IGF1R: variants seen among roughly 807,000 people sequenced by gnomAD.
The protein encoded by IGF1R is insulin like growth factor 1 receptor.
Under a neutral mutation model 144.6 loss-of-function variants are expected in IGF1R, and 44 were observed. The observed-to-expected ratio is 0.30, with a 90% confidence interval of 0.24 to 0.39. IGF1R has a LOEUF of 0.39. IGF1R is among the 10% of genes least tolerant of loss of function. IGF1R has a pLI of 1.00. For synonymous variants in IGF1R, 795 were observed against 722.8 expected (o/e 1.10, Z -1.60); for missense variants, 1,355 against 1,833.7 (o/e 0.74, Z 4.77).
chr15:98,659,895 G>A (rs767844732), intron 1 of IGF1R, among the ~76,000 whole-genome samples: 1 of 152,058 alleles, frequency 6.6e-6, no homozygotes, highest in Non-Finnish European at 1.5e-5. Context: ...TAAGATGCTC[G>A]CCAGCCAGAA....
intron 2 of IGF1R, among the ~76,000 whole-genome samples, chr15:98,787,245 G>A (rs763595788): frequency 5.1e-4 from 77 of 152,284 alleles, no homozygotes; most frequent in Non-Finnish European, 8.8e-4. Context: ...CTGGCCTGCA[G>A]AGCAGAATAA....
At chr15:98,732,233 A>G (rs533500112) in intron 2 of IGF1R, among the ~76,000 whole-genome samples, 1 of 152,326 alleles carries the variant, frequency 6.6e-6, no homozygotes, top group African/African-American at 2.4e-5. Flanking sequence ...GGGCAGGGGA[A>G]GACTTGCCTA....
chr15:98,814,814 C>T (rs1047797230), intron 2 of IGF1R, among the ~76,000 whole-genome samples: 3 of 152,232 alleles, frequency 2.0e-5, no homozygotes, highest in South Asian at 2.1e-4. Context: ...CTGATATAAG[C>T]GTGGCTCTAC....
In IGF1R at chr15:98,954,980, A is replaced by G. The variant is rs184770442; in HGVS notation, c.3723-2081A>G. Among the ~76,000 whole-genome samples the G allele has an allele frequency of 2.8e-3, 427 of 152,312 alleles. 5 individuals are homozygous for G. Among genetic ancestry groups the G allele is most frequent in the African/African-American group, 9.9e-3 (410 of 41,558 alleles). ...TAGGTTGAGAAAAATTCCTTTTTCC[A>G]GGATCGTTGGTGATCAAAGTGTAGT... is the stretch of plus-strand genomic sequence containing the variant. On this transcript the variant is annotated intron_variant, in intron 20 of 20. Coordinates refer to ENST00000650285, the MANE Select transcript of IGF1R (RefSeq NM_000875.5).
intron 1 of IGF1R, among the ~76,000 whole-genome samples, chr15:98,674,610 A>T (rs1187978677): frequency 1.3e-5 from 2 of 152,244 alleles, no homozygotes; most frequent in African/African-American, 4.8e-5. Flanking sequence ...GATTAGGGAC[A>T]CATTTGCCTG....
chr15:98,953,430 C>A (rs1190764039), intron 20 of IGF1R, among the ~76,000 whole-genome samples: 1 of 152,138 alleles, frequency 6.6e-6, no homozygotes, highest in African/African-American at 2.4e-5. Flanking sequence ...CCGTCCTCAG[C>A]CTTATTTCAG....
intron 1 of IGF1R, among the ~76,000 whole-genome samples, chr15:98,682,646 C>T (rs780671224): frequency 1.2e-4 from 18 of 152,012 alleles, no homozygotes; most frequent in Non-Finnish European, 2.1e-4. Context: ...CTTCCGAGTT[C>T]CAGCAATTCT....
chr15:98,903,986 C>G (rs1206265690), intron 5 of IGF1R, among the ~76,000 whole-genome samples: 1 of 151,490 alleles, frequency 6.6e-6, no homozygotes, highest in Non-Finnish European at 1.5e-5. Flanking sequence ...TGTTCTGGAA[C>G]TGAGTAGTGG....
At chr15:98,674,977 ATTTTTTTTTTT>A (rs71149408) in intron 1 of IGF1R, among the ~76,000 whole-genome samples, 1 of 98,892 alleles carries the variant, frequency 1.0e-5, no homozygotes. Context: ...GTATTTTACA[ATTTTTTTTTTT>A]TTTTTTTTTT....
intron 1 of IGF1R, among the ~76,000 whole-genome samples, chr15:98,677,875 G>A (rs1452807793): frequency 6.6e-6 from 1 of 152,174 alleles, no homozygotes; most frequent in Non-Finnish European, 1.5e-5. Flanking sequence ...GGGCATGGGG[G>A]TTGGGCCAAC....
chr15:98,752,290 G>A (rs2055030990), intron 2 of IGF1R, among the ~76,000 whole-genome samples: 3 of 152,188 alleles, frequency 2.0e-5, no homozygotes, highest in Admixed American at 2.0e-4. Flanking sequence ...AACTGTGAGA[G>A]CTCAGGGCAT....
At chr15:98,773,857 A>T (rs1180813722) in intron 2 of IGF1R, among the ~76,000 whole-genome samples, 2 of 152,188 alleles carry the variant, frequency 1.3e-5, no homozygotes, top group Non-Finnish European at 2.9e-5. Context: ...GGGGGAAGCC[A>T]GCCTAAGGAC....
chr15:98,888,442 T>A (rs5019792), intron 2 of IGF1R, among the ~76,000 whole-genome samples: 5,299 of 38,980 alleles, frequency 0.14, 319 homozygotes, highest in African/African-American at 0.26. Flanking sequence ...AGAGAGAGTG[T>A]GTGTGTGTGT....
rs2151748280 is a variant in IGF1R at position 98,963,303 on chromosome 15, A to G, written c.*5861A>G. ...TTCTCCCTGACCCCATCCGTGGTTC[A>G]CCCTCTTTTCCCCCCATGCTTTTTG... On this transcript the variant is annotated 3_prime_UTR_variant, in exon 21 of 21. Coordinates refer to ENST00000650285, the MANE Select transcript of IGF1R (RefSeq NM_000875.5). 1 of 231,078 alleles carries G rather than the reference A, an allele frequency of 4.3e-6. No homozygotes were observed. The highest frequency in any genetic ancestry group is 5.7e-5 in the Admixed American group (1 of 17,426). The allele number at this position is 231,078 out of a possible 1,614,324, so 14.3% of individuals were successfully genotyped here. A position where few individuals can be genotyped will look rare whatever the true frequency, so the allele number is the denominator to read the frequency against.
At chr15:98,856,666 A>T (rs962803836) in intron 2 of IGF1R, among the ~76,000 whole-genome samples, 89 of 152,372 alleles carry the variant, frequency 5.8e-4, no homozygotes, top group African/African-American at 2.0e-3. Context: ...AATTGGAACC[A>T]GGCTCTAAAA....
intron 2 of IGF1R, among the ~76,000 whole-genome samples, chr15:98,736,021 C>T (rs1332217178): frequency 6.6e-6 from 1 of 152,196 alleles, no homozygotes; most frequent in Non-Finnish European, 1.5e-5. Context: ...CTGTACAGTA[C>T]TGCCCTGAGG....
chr15:98,957,757 C>A lies in IGF1R; in HGVS notation c.*315C>A. ...TCTCCTCACTCTGTCCCTGTCCTTC[C>A]CTGTTCTCCCTTTCTCTCTCCTCTC... On this transcript the variant is annotated 3_prime_UTR_variant, in exon 21 of 21. Transcript: ENST00000650285. 2.3e-6 allele frequency: 1 copy of A among 440,466 alleles called. No individual in the cohort carries two copies. Among genetic ancestry groups the A allele is most frequent in the African/African-American group, 2.0e-5 (1 of 50,944 alleles). 27.3% of individuals were successfully genotyped at this position (440,466 alleles called of 1,614,324 possible).
At chr15:98,774,818 C>CTA (rs3043609) in intron 2 of IGF1R, among the ~76,000 whole-genome samples, 21,799 of 152,106 alleles carry the variant, frequency 0.14, 1,603 homozygotes, top group Middle Eastern at 0.2. Flanking sequence ...TTGCTGCACT[C>CTA]TACTTAAAAA....
intron 2 of IGF1R, among the ~76,000 whole-genome samples, chr15:98,741,345 G>T (rs2054739324): frequency 1.4e-5 from 2 of 145,536 alleles, no homozygotes; most frequent in Admixed American, 1.4e-4. Context: ...GCTACGTATA[G>T]AAGTGGCTTT....
Sources: allele counts gnomAD v4.1 joint callset (sites outside exome capture counted in the v4.1 genomes callset), GRCh38; gene constraint gnomAD v4.1.1; transcripts MANE v1.5; gene names NCBI Gene and HGNC (gene_info 2026-07-23, HGNC 2026-07-21).